Variants in NKIRAS1 observed in about 807,000 individuals in gnomAD.
The protein encoded by NKIRAS1 is NFKB inhibitor interacting Ras like 1, also known as NF-kappa-B inhibitor-interacting Ras-like protein 1.
A neutral mutation model predicts 19.8 loss-of-function variants in NKIRAS1; 16 were observed. The ratio of observed to expected loss-of-function variants is 0.81; its 90% CI spans 0.55 to 1.23. The LOEUF (loss-of-function observed/expected upper bound fraction) is 1.23, where lower values mean the gene tolerates loss of function less well. NKIRAS1 is among the 50% of genes most tolerant of loss of function. NKIRAS1 has a pLI of 0.00. For missense variants in NKIRAS1, 184 were observed against 220.0 expected, an observed-to-expected ratio of 0.84 and a Z score of 1.04; for synonymous variants, 88 against 79.0, an observed-to-expected ratio of 1.11 and a Z score of -0.61.
intron 1 of NKIRAS1, among the ~76,000 whole-genome samples, chr3:23,938,847 G>GTGTGAC (rs1174865037): frequency 6.6e-6 from 1 of 152,214 alleles, no homozygotes; most frequent in Non-Finnish European, 1.5e-5. Flanking sequence ...TCTGTAAGCA[G>GTGTGAC]TGTGACTGCC....
intron 4 of NKIRAS1, among the ~76,000 whole-genome samples, chr3:23,898,665 C>T (rs555480789): frequency 5.8e-4 from 88 of 152,172 alleles, no homozygotes; most frequent in African/African-American, 1.1e-3. Context: ...AAGCTGGACT[C>T]GAACTCCTGA....
At position 23,902,771 on chromosome 3, in the gene NKIRAS1, G is replaced by A. The variant is rs574824175; in HGVS notation, c.95-1722C>T. ...TCTCGCACACCAGGGGAAGGCTTAA[G>A]GGTGCAATCTCTGGGGAGTATAAAA... On this transcript the variant is annotated intron_variant, in intron 3 of 4. Transcript: ENST00000425478. Among the ~76,000 whole-genome samples the A allele has an allele frequency of 2.6e-5, 4 of 152,308 alleles. No homozygotes were observed. The South Asian group carries it at 8.3e-4, about 32-fold the overall frequency.
At chr3:23,944,825 C>T (rs1345528312) in intron 1 of NKIRAS1, among the ~76,000 whole-genome samples, 1 of 5,638 alleles carries the variant, frequency 1.8e-4, no homozygotes, top group Non-Finnish European at 3.4e-4. Flanking sequence ...GGAGGTCGGT[C>T]GGGTGGGAGC....
intron 1 of NKIRAS1, among the ~76,000 whole-genome samples, chr3:23,943,431 A>G (rs1162166817): frequency 6.6e-6 from 1 of 151,794 alleles, no homozygotes; most frequent in Non-Finnish European, 1.5e-5. Context: ...GGGTTTCTCC[A>G]TGTTGGTCAG....
chr3:23,944,830 G>A (rs1415572787), intron 1 of NKIRAS1, among the ~76,000 whole-genome samples: 3 of 151,436 alleles, frequency 2.0e-5, no homozygotes, highest in African/African-American at 7.3e-5. Context: ...TCGGTCGGGT[G>A]GGAGCGGGGG....
intron 1 of NKIRAS1, among the ~76,000 whole-genome samples, chr3:23,933,649 CT>C (rs1392438621): frequency 2.0e-5 from 3 of 151,630 alleles, no homozygotes; most frequent in African/African-American, 7.3e-5. Flanking sequence ...CTACTCCCCA[CT>C]TTTTTTTTGG....
At chr3:23,897,027 C>G (rs1466441977) in intron 4 of NKIRAS1, among the ~76,000 whole-genome samples, 1 of 151,922 alleles carries the variant, frequency 6.6e-6, no homozygotes, top group African/African-American at 2.4e-5. Flanking sequence ...GGCAACAGAG[C>G]AAGACCTTGT....
chr3:23,912,389 C>A (rs994135503), intron 1 of NKIRAS1, among the ~76,000 whole-genome samples: 1 of 152,128 alleles, frequency 6.6e-6, no homozygotes, highest in Non-Finnish European at 1.5e-5. Context: ...AGGATATGAA[C>A]AGACACTTCT....
chr3:23,900,414 C>T (rs1702399648), intron 4 of NKIRAS1, among the ~76,000 whole-genome samples: 1 of 152,080 alleles, frequency 6.6e-6, no homozygotes, highest in African/African-American at 2.4e-5. Context: ...GCCGGCAAAG[C>T]ACTTGAGGTT....
intron 3 of NKIRAS1, among the ~76,000 whole-genome samples, chr3:23,902,001 G>A (rs911952379): frequency 2.0e-5 from 3 of 152,178 alleles, no homozygotes; most frequent in African/African-American, 4.8e-5. Flanking sequence ...TTGAACCTGG[G>A]AGGCAGAGGT....
At chr3:23,919,658 A>G (rs1704961180), upstream of NKIRAS1, 3 of 1,414,826 alleles carry the variant, frequency 2.1e-6, no homozygotes, top group East Asian at 2.5e-5. Context: ...TGAAGACAAT[A>G]AGTGGTGGTG....
chr3:23,946,183 C>T (rs1705697024), intron 1 of NKIRAS1: 1 of 985,374 alleles, frequency 1.0e-6, no homozygotes, highest in Non-Finnish European at 1.2e-6. Context: ...CGCTGAGCCC[C>T]CGCGGCGGGG....
intron 1 of NKIRAS1, chr3:23,915,933 C>A (rs1464922555): frequency 6.6e-6 from 1 of 152,224 alleles, no homozygotes; most frequent in African/African-American, 2.4e-5. Flanking sequence ...GCATTTACCA[C>A]CAAACCCAAA....
Position 23,900,798 on chromosome 3 carries a change from A to C in NKIRAS1, c.336+10T>G. 1 of 1,609,510 alleles carries C rather than the reference A, an allele frequency of 6.2e-7. No individual in the cohort carries two copies. The highest frequency in any genetic ancestry group is 8.5e-7 in the Non-Finnish European group (1 of 1,176,966). On this transcript the variant is annotated intron_variant, in intron 4 of 4. Transcript: ENST00000425478. ...AATTCACATTTGGCATTTTTAACAT[A>C]TCCACTTGCCTCTTTTTTGTCTTTG...
chr3:23,919,863 C>T (rs1575122396), upstream of NKIRAS1: 1 of 1,006,502 alleles, frequency 9.9e-7, no homozygotes, highest in Non-Finnish European at 1.2e-6. Flanking sequence ...GATGGCAATG[C>T]TCTGCTGGTT....
intron 1 of NKIRAS1, among the ~76,000 whole-genome samples, chr3:23,938,216 T>TC (rs1705431873): frequency 6.6e-6 from 1 of 151,116 alleles, no homozygotes; most frequent in African/African-American, 2.4e-5. Context: ...TACCTTTTTT[T>TC]TTTTTTTTCT....
At chr3:23,925,006 T>C (rs543810578) in intron 1 of NKIRAS1, among the ~76,000 whole-genome samples, 2 of 152,334 alleles carry the variant, frequency 1.3e-5, no homozygotes, top group East Asian at 1.9e-4. Flanking sequence ...GAGGTGTCCA[T>C]GGCAGAGGGC....
chr3:23,914,169 G>A (rs1327612759), intron 1 of NKIRAS1, among the ~76,000 whole-genome samples: 2 of 67,788 alleles, frequency 3.0e-5, no homozygotes, highest in Non-Finnish European at 5.7e-5. Context: ...CCAACTTGAG[G>A]CTAAAAAAAA....
chr3:23,898,701 C>A (rs1702220657), intron 4 of NKIRAS1, among the ~76,000 whole-genome samples: 1 of 152,098 alleles, frequency 6.6e-6, no homozygotes, highest in African/African-American at 2.4e-5. Context: ...ACCTCGGCCT[C>A]CCAAAATGCT....
Sources: allele counts gnomAD v4.1 joint callset (sites outside exome capture counted in the v4.1 genomes callset), GRCh38; gene constraint gnomAD v4.1.1; transcripts MANE v1.5; gene names NCBI Gene and HGNC (gene_info 2026-07-23, HGNC 2026-07-21).